Variants in RASGRF2 observed in about 807,000 individuals in gnomAD.
RASGRF2 encodes the protein ras-specific guanine nucleotide-releasing factor 2.
In RASGRF2, 76 loss-of-function variants were observed where a neutral mutation model predicts 151.0. The ratio of observed to expected loss-of-function variants is 0.50; its 90% CI spans 0.42 to 0.61. The LOEUF (loss-of-function observed/expected upper bound fraction) is 0.61, where lower values mean the gene tolerates loss of function less well. Among genes scored for constraint, RASGRF2 ranks in the 20% least tolerant of loss-of-function variants. The pLI, the probability that RASGRF2 is intolerant of heterozygous loss-of-function variation, is 0.00. For synonymous variants in RASGRF2, 504 were observed against 566.5 expected (o/e 0.89, Z 1.57); for missense variants, 1,148 against 1,564.6 (o/e 0.73, Z 4.49).
intron 17 of RASGRF2, among the ~76,000 whole-genome samples, chr5:81,128,738 A>G (rs1345011879): frequency 6.6e-6 from 1 of 152,236 alleles, no homozygotes; most frequent in Non-Finnish European, 1.5e-5. Flanking sequence ...GGGTAAAGAA[A>G]AAGTACTTAA....
chr5:81,212,451 C>A lies in RASGRF2; in HGVS notation c.3242C>A (p.Ala1081Glu). The A allele has an allele frequency of 6.2e-7, 1 of 1,613,796 alleles. No individual in the cohort carries two copies. The highest frequency in any genetic ancestry group is 8.5e-7 in the Non-Finnish European group (1 of 1,179,864). ...GCCATCGAGAAATGGGTGGCAGTGGCGGACATCTGCCGATGCCTGCACAAC... is the reference window on the plus strand; with the variant it reads ...GCCATCGAGAAATGGGTGGCAGTGGAGGACATCTGCCGATGCCTGCACAAC... ...ANAIEKWVAVADICRCLHNYN... is the reference protein window; with the variant it reads ...ANAIEKWVAVEDICRCLHNYN... Residue 1081 changes from alanine to glutamate, a missense_variant, in exon 23 of 27, where the codon GCG becomes GAG. Ala to Glu is a moderately radical substitution (Grantham distance 107, BLOSUM62 -1). Coordinates refer to ENST00000265080, the MANE Select transcript of RASGRF2 (RefSeq NM_006909.3).
intron 17 of RASGRF2, among the ~76,000 whole-genome samples, chr5:81,134,423 T>G (rs1561224925): frequency 6.6e-6 from 1 of 152,154 alleles, no homozygotes; most frequent in South Asian, 2.1e-4. Flanking sequence ...TCTGGGCCTG[T>G]TGTTTCATGG....
At chr5:80,978,803 AAG>A (rs1491442453) in intron 1 of RASGRF2, among the ~76,000 whole-genome samples, 2 of 151,926 alleles carry the variant, frequency 1.3e-5, no homozygotes, top group African/African-American at 2.4e-5. Flanking sequence ...AAGAAAAAAA[AAG>A]GGGGGGAAAC....
In RASGRF2 at chr5:81,112,595, T is replaced by C. The variant is rs1370948009; in HGVS notation, c.1839-15T>C. ...CCTCCTGGTTTTACCATCATGTTCCTGCCTTTGCACGTAGGTCTGATGCCC... is the reference window on the plus strand; with the variant it reads ...CCTCCTGGTTTTACCATCATGTTCCCGCCTTTGCACGTAGGTCTGATGCCC... On this transcript the variant is annotated splice_polypyrimidine_tract_variant and intron_variant, in intron 13 of 26. Coordinates refer to ENST00000265080, the MANE Select transcript of RASGRF2 (RefSeq NM_006909.3). The C allele has an allele frequency of 1.2e-6, 2 of 1,613,698 alleles. No individual in the cohort carries two copies. Among genetic ancestry groups the C allele is most frequent in the African/African-American group, 2.7e-5 (2 of 74,928 alleles).
intron 1 of RASGRF2, among the ~76,000 whole-genome samples, chr5:81,035,598 A>T (rs1261215687): frequency 6.6e-6 from 1 of 151,858 alleles, no homozygotes; most frequent in East Asian, 1.9e-4. Context: ...GTATCCTAGA[A>T]CTTAAAGTAT....
intron 18 of RASGRF2, 127 bp downstream of exon 18, chr5:81,180,408 G>A (rs1754887028): frequency 1.6e-6 from 1 of 637,760 alleles, no homozygotes; most frequent in East Asian, 2.8e-5. Context: ...CTGGAACTTA[G>A]GAAGGGAAGA....
chr5:81,180,749 G>C (rs147583987), intron 18 of RASGRF2, among the ~76,000 whole-genome samples: 111 of 148,812 alleles, frequency 7.5e-4, no homozygotes, highest in African/African-American at 2.5e-3. Flanking sequence ...TGGTCAGGGA[G>C]TGCTTTCTGG....
chr5:81,002,839 A>G (rs1300558051), intron 1 of RASGRF2, among the ~76,000 whole-genome samples: 1 of 152,176 alleles, frequency 6.6e-6, no homozygotes, highest in Non-Finnish European at 1.5e-5. Context: ...TACATTTATT[A>G]TGACAGGGTT....
chr5:81,206,028 G>A (rs1755498175), intron 19 of RASGRF2, among the ~76,000 whole-genome samples: 1 of 152,138 alleles, frequency 6.6e-6, no homozygotes, highest in Non-Finnish European at 1.5e-5. Flanking sequence ...GTATGTGCTT[G>A]TGCCTTCCTT....
At chr5:81,208,093 T>C (rs1755549955) in intron 21 of RASGRF2, among the ~76,000 whole-genome samples, 1 of 152,230 alleles carries the variant, frequency 6.6e-6, no homozygotes, top group South Asian at 2.1e-4. Flanking sequence ...AGAGAAGGCT[T>C]TATAGGATCC....
intron 1 of RASGRF2, among the ~76,000 whole-genome samples, chr5:81,032,334 A>G (rs1750288182): frequency 1.3e-5 from 2 of 152,226 alleles, no homozygotes; most frequent in African/African-American, 4.8e-5. Flanking sequence ...CCTGGCAGAG[A>G]CACAACAAAA....
At chr5:81,147,832 A>G (rs1256616640) in intron 17 of RASGRF2, among the ~76,000 whole-genome samples, 2 of 152,256 alleles carry the variant, frequency 1.3e-5, no homozygotes, top group African/African-American at 2.4e-5. Flanking sequence ...ACAGTAGAGC[A>G]ACTTAGTCTG....
chr5:81,210,787 C>T (rs1755612979), intron 22 of RASGRF2, among the ~76,000 whole-genome samples: 1 of 152,138 alleles, frequency 6.6e-6, no homozygotes, highest in Non-Finnish European at 1.5e-5. Context: ...CAGATGGCTG[C>T]CAGGTCCTCC....
At chr5:80,995,217 C>T (rs1269950639) in intron 1 of RASGRF2, among the ~76,000 whole-genome samples, 22 of 145,348 alleles carry the variant, frequency 1.5e-4, no homozygotes, top group Admixed American at 1.4e-3. Context: ...GATCGCGCCA[C>T]TGCCCTCCAG....
intron 17 of RASGRF2, among the ~76,000 whole-genome samples, chr5:81,161,357 C>T (rs988961891): frequency 6.6e-6 from 1 of 152,200 alleles, no homozygotes; most frequent in African/African-American, 2.4e-5. Context: ...CAGAGTTGGT[C>T]ATACTGAGAG....
rs1157462874 is a variant in RASGRF2 at position 80,960,644 on chromosome 5, C to T, written c.-95C>T. On this transcript the variant is annotated 5_prime_UTR_variant, in exon 1 of 27. Transcript: ENST00000265080. This position sits in a 1 kb window ranked among gnomAD's most constrained non-coding sequence, Gnocchi z 5.5. The stretch of plus-strand genomic sequence containing the variant: ...AGGGGGCGCCCTTCGCCGGCCGGGA[C>T]CTGAGCGGTCGCGCCCTCGAGGGAG... The T allele has an allele frequency of 8.5e-7, 1 of 1,173,720 alleles. No individual in the cohort carries two copies. The highest frequency in any genetic ancestry group is 1.1e-6 in the Non-Finnish European group (1 of 918,250). The allele number at this position is 1,173,720 out of a possible 1,614,324, so 72.7% of individuals were successfully genotyped here.
At chr5:81,065,762 A>G (rs1334403139) in intron 2 of RASGRF2, among the ~76,000 whole-genome samples, 5 of 152,132 alleles carry the variant, frequency 3.3e-5, no homozygotes, top group Non-Finnish European at 5.9e-5. Flanking sequence ...TTTCCCCACC[A>G]AGCTAATTCT....
At chr5:81,014,286 G>C (rs1440644195) in intron 1 of RASGRF2, among the ~76,000 whole-genome samples, 1 of 152,052 alleles carries the variant, frequency 6.6e-6, no homozygotes, top group Non-Finnish European at 1.5e-5. Flanking sequence ...CCCAAGACTG[G>C]GCAATTTACA....
At position 81,109,022 on chromosome 5, in the gene RASGRF2, T is replaced by A. The variant is rs759584366; in HGVS notation, c.1782T>A (p.Gly594=). 2.9e-5 allele frequency: 46 copies of A among 1,611,080 alleles called. No individual in the cohort carries two copies. The South Asian group carries it at 3.6e-4, about 13-fold the overall frequency. The part of the protein sequence containing the change: ...SQCVDNIRCN[G]LMTIVFEENS... ...GTGTGGACAATATACGATGTAATGGTTTAATGACTATAGTGTTTGAAGAGA... is the reference window on the plus strand; with the variant it reads ...GTGTGGACAATATACGATGTAATGGATTAATGACTATAGTGTTTGAAGAGA... Residue 594 remains glycine (G), a synonymous_variant, in exon 13 of 27, where the codon GGT becomes GGA. Transcript: ENST00000265080.
Sources: gnomAD v4.1 joint callset for allele counts (sites outside exome capture counted in the v4.1 genomes callset) on GRCh38, gnomAD v4.1.1 for gene constraint, Gnocchi (gnomAD v3.1) non-coding constraint, MANE v1.5 for transcripts, NCBI Gene and HGNC (gene_info 2026-07-23, HGNC 2026-07-21) for gene names.